FAM118B: variants seen among roughly 807,000 people sequenced by gnomAD.
FAM118B encodes protein FAM118B.
FAM118B carries 24 observed loss-of-function variants against 38.5 expected under a neutral mutation model. The ratio of observed to expected loss-of-function variants is 0.62; its 90% CI spans 0.45 to 0.88. The LOEUF is 0.88. FAM118B is among the 40% of genes least tolerant of loss of function. FAM118B has a pLI of 0.00. For synonymous variants in FAM118B, 138 were observed against 156.3 expected (o/e 0.88, Z 0.87); for missense variants, 334 against 420.0 (o/e 0.80, Z 1.79).
In FAM118B at chr11:126,233,724, G is replaced by T. The variant is rs1472660813; in HGVS notation, c.-7-1271G>T. The stretch of plus-strand genomic sequence containing the variant: ...CACTGCGTGTGATGGACTATGGGGT[G>T]AGGATGTGAGCCTTCTGTTTACCAC... On this transcript the variant is annotated intron_variant, in intron 2 of 8. Transcript: ENST00000533050. The T allele has an allele frequency of 8.8e-6, 4 of 456,540 alleles. No homozygotes were observed. In the Admixed American group the frequency reaches 9.4e-5, roughly 11 times the overall value. The allele number at this position is 456,540 out of a possible 1,614,324, so 28.3% of individuals were successfully genotyped here.
chr11:126,258,315 A>G (rs1435693044), intron 7 of FAM118B, among the ~76,000 whole-genome samples: 4 of 152,320 alleles, frequency 2.6e-5, no homozygotes, highest in Non-Finnish European at 5.9e-5. Context: ...TGAGCCCAGG[A>G]GTTGGAGTCT....
chr11:126,227,019 G>T (rs1950151886), intron 1 of FAM118B, among the ~76,000 whole-genome samples: 1 of 144,186 alleles, frequency 6.9e-6, no homozygotes, highest in Non-Finnish European at 1.5e-5. Flanking sequence ...ATGATAAATT[G>T]AAAGAGAGAA....
rs958459653 is a variant in FAM118B, at chr11:126,256,983, C to T, written c.982+131C>T. On this transcript the variant is annotated intron_variant, in intron 7 of 8. Transcript: ENST00000533050. The surrounding 1 kb of genome is among the most constrained non-coding windows in gnomAD (Gnocchi z 6.6). Reference sequence around the variant, plus strand: ...ATGACTGACCAAATTGTAAAGGAGGCCACAGTCTTCAGGTTAGACTAAAGT... The same window carrying T: ...ATGACTGACCAAATTGTAAAGGAGGTCACAGTCTTCAGGTTAGACTAAAGT... 1.1e-5 allele frequency: 10 copies of T among 904,796 alleles called. No homozygotes were observed. The African/African-American group carries it at 1.5e-4, about 14-fold the overall frequency. 56.0% of individuals were successfully genotyped at this position (904,796 alleles called of 1,614,324 possible).
intron 1 of FAM118B, among the ~76,000 whole-genome samples, chr11:126,224,914 GTAACCTA>G (rs1229552335): frequency 6.6e-6 from 1 of 152,196 alleles, no homozygotes; most frequent in East Asian, 1.9e-4. Flanking sequence ...TCTGCAGATG[GTAACCTA>G]TAAACACCCA....
At chr11:126,215,155 T>G (rs1337794083) in intron 1 of FAM118B, among the ~76,000 whole-genome samples, 1 of 152,230 alleles carries the variant, frequency 6.6e-6, no homozygotes. Context: ...ACAAATAATT[T>G]GGGCTTCAGT....
chr11:126,216,367 C>T (rs1328280174), intron 1 of FAM118B, among the ~76,000 whole-genome samples: 2 of 151,962 alleles, frequency 1.3e-5, no homozygotes, highest in African/African-American at 2.4e-5. Flanking sequence ...CAGAGCGAGA[C>T]TCTGTCACCA....
At chr11:126,241,789 A>G (rs574214111) in intron 4 of FAM118B, among the ~76,000 whole-genome samples, 1 of 152,064 alleles carries the variant, frequency 6.6e-6, no homozygotes, top group Non-Finnish European at 1.5e-5. Flanking sequence ...ACCTCAAGTG[A>G]TCTGCCCACC....
intron 1 of FAM118B, among the ~76,000 whole-genome samples, chr11:126,217,512 T>G (rs982196035): frequency 1.3e-5 from 2 of 152,210 alleles, no homozygotes; most frequent in Admixed American, 1.3e-4. Flanking sequence ...CACCTGTGTT[T>G]TTCATGTACC....
chr11:126,250,622 G>A lies in FAM118B; in HGVS notation c.456G>A (p.Leu152=). 1.2e-6 allele frequency: 2 copies of A among 1,614,020 alleles called. No individual in the cohort carries two copies. The highest frequency in any genetic ancestry group is 8.5e-7 in the Non-Finnish European group (1 of 1,179,882). Reference sequence around the variant, plus strand: ...AGCTACTTCAGTCAGTTCTCCACCTGATGGAAAATGGAGCCCTCGTATTAA... The same window carrying A: ...AGCTACTTCAGTCAGTTCTCCACCTAATGGAAAATGGAGCCCTCGTATTAA... ...GKQLLQSVLH[L]MENGALVLTT... Residue 152 remains leucine, a synonymous_variant, in exon 5 of 9, where the codon CTG becomes CTA. Coordinates refer to ENST00000533050, the MANE Select transcript of FAM118B (RefSeq NM_024556.4). The surrounding 1 kb of genome is among the most constrained non-coding windows in gnomAD (Gnocchi z 5.1).
At chr11:126,259,347 T>C (rs187649052) in intron 7 of FAM118B, among the ~76,000 whole-genome samples, 2 of 152,234 alleles carry the variant, frequency 1.3e-5, no homozygotes, top group African/African-American at 4.8e-5. Flanking sequence ...TAGTTACACA[T>C]ATTTTGGAAA....
chr11:126,213,204 A>G (rs1048589015), intron 1 of FAM118B, among the ~76,000 whole-genome samples: 9 of 152,160 alleles, frequency 5.9e-5, no homozygotes, highest in Non-Finnish European at 1.2e-4. Context: ...TGCATCATAA[A>G]TGTATGCTAG....
At chr11:126,211,934 T>A (rs1216463596) in intron 1 of FAM118B, 104 bp downstream of exon 1, 1 of 410,398 alleles carries the variant, frequency 2.4e-6, no homozygotes, top group African/African-American at 2.0e-5. Context: ...AGCACTGGTC[T>A]GAGAAACGTT....
chr11:126,229,986 A>C (rs1401730903), intron 2 of FAM118B, among the ~76,000 whole-genome samples: 1 of 152,196 alleles, frequency 6.6e-6, no homozygotes, highest in African/African-American at 2.4e-5. Context: ...TCAGGAAATG[A>C]GTGTGATACA....
At chr11:126,211,739 G>C, upstream of FAM118B, 2 of 1,357,436 alleles carry the variant, frequency 1.5e-6, no homozygotes, top group Non-Finnish European at 2.0e-6. Flanking sequence ...GCGGGGTGGG[G>C]CCTGGGCGAG....
At chr11:126,226,806 C>T (rs2135141178) in intron 1 of FAM118B, among the ~76,000 whole-genome samples, 1 of 151,992 alleles carries the variant, frequency 6.6e-6, no homozygotes, top group Non-Finnish European at 1.5e-5. Flanking sequence ...CATGGTGAAA[C>T]CCCGTGTCTA....
At chr11:126,261,574 A>C (rs1950700123) in intron 8 of FAM118B, 90 bp downstream of exon 8, 10 of 1,097,692 alleles carry the variant, frequency 9.1e-6, no homozygotes, top group Non-Finnish European at 5.4e-6. Context: ...GTTACTTTGG[A>C]CCTCACATTG....
intron 1 of FAM118B, among the ~76,000 whole-genome samples, chr11:126,219,349 CTTTTTTTTTTTTTTTTTTTTTTT>C (rs549922825): frequency 1.4e-4 from 6 of 44,414 alleles, no homozygotes; most frequent in Non-Finnish European, 2.3e-4. Context: ...TCTTGTTTAT[CTTTTTTTTTTTTTTTTTTTTTTT>C]TTTTTTTTTT....
In FAM118B at chr11:126,256,458, C is replaced by T. The variant is rs573846007; in HGVS notation, c.697-109C>T. 5 of 958,750 alleles carry T rather than the reference C, an allele frequency of 5.2e-6. No homozygotes were observed. The highest frequency in any genetic ancestry group is 7.7e-6 in the Non-Finnish European group (5 of 645,488). 59.4% of individuals were successfully genotyped at this position (958,750 alleles called of 1,614,324 possible). ...ATGGGACATACCAACCCACTTAAGT[C>T]TTGCTTAATTGGTCATCACAGTCTG... On this transcript the variant is annotated intron_variant, in intron 6 of 8. Transcript: ENST00000533050. The surrounding 1 kb of genome is among the most constrained non-coding windows in gnomAD (Gnocchi z 6.6).
Position 126,255,661 on chromosome 11 carries a change from A to T in FAM118B, c.697-906A>T, listed in dbSNP as rs1177928166. Among the ~76,000 whole-genome samples the T allele has an allele frequency of 6.6e-6, 1 of 152,138 alleles. No homozygotes were observed. On this transcript the variant is annotated intron_variant, in intron 6 of 8. Coordinates refer to ENST00000533050, the MANE Select transcript of FAM118B (RefSeq NM_024556.4). This position sits in a 1 kb window ranked among gnomAD's most constrained non-coding sequence, Gnocchi z 4.6. ...ATGAAGACCTACTCTTTGCACAATG[A>T]CCTCTGGGCACATAAATCTAAAAAA...
Sources: gnomAD v4.1 joint callset for allele counts (sites outside exome capture counted in the v4.1 genomes callset) on GRCh38, gnomAD v4.1.1 for gene constraint, Gnocchi (gnomAD v3.1) non-coding constraint, MANE v1.5 for transcripts, NCBI Gene and HGNC (gene_info 2026-07-23, HGNC 2026-07-21) for gene names.